The following HDAC9 variants were observed in gnomAD, a reference collection of about 807,000 sequenced individuals.
HDAC9 encodes histone deacetylase 9, also known as MEF-2 interacting transcription repressor (MITR) protein.
A neutral mutation model predicts 139.4 loss-of-function variants in HDAC9; 41 were observed. The observed-to-expected ratio is 0.29, with a 90% CI of 0.23 to 0.38. The LOEUF (loss-of-function observed/expected upper bound fraction) is 0.38, where lower values mean the gene tolerates loss of function less well. Ranked by LOEUF, HDAC9 falls within the 10% of genes least tolerant of loss-of-function variation. The probability of loss-of-function intolerance (pLI) is 1.00; values close to 1 mark genes in which losing one functional copy is unlikely to be tolerated. For missense variants in HDAC9, 1,147 were observed against 1,297.0 expected (o/e 0.88, Z 1.78); for synonymous variants, 517 against 476.2 (o/e 1.09, Z -1.12).
intron 1 of HDAC9, among the ~76,000 whole-genome samples, chr7:18,309,724 T>A (rs1799177049): frequency 6.6e-6 from 1 of 152,166 alleles, no homozygotes; most frequent in Admixed American, 6.5e-5. Flanking sequence ...CAGAGCCTTC[T>A]CATGCCGTGA....
At chr7:18,174,993 G>C (rs566092270) in intron 2 of HDAC9, among the ~76,000 whole-genome samples, 74 of 152,336 alleles carry the variant, frequency 4.9e-4, no homozygotes, top group African/African-American at 1.7e-3. Flanking sequence ...CTTCAGGCCT[G>C]TCAGAAGGGG....
chr7:18,238,293 C>A (rs1237002285), intron 2 of HDAC9, among the ~76,000 whole-genome samples: 1 of 152,176 alleles, frequency 6.6e-6, no homozygotes, highest in Admixed American at 6.5e-5. Flanking sequence ...GGCTTTCTCT[C>A]TAATTTATAG....
chr7:18,383,737 A>T (rs892433625), intron 1 of HDAC9, among the ~76,000 whole-genome samples: 33 of 151,848 alleles, frequency 2.2e-4, no homozygotes, highest in Non-Finnish European at 4.6e-4. Flanking sequence ...AAAAATACAA[A>T]AAATTAGCCG....
intron 2 of HDAC9, among the ~76,000 whole-genome samples, chr7:18,505,292 AT>A (rs937773972): frequency 3.9e-4 from 60 of 152,106 alleles, no homozygotes; most frequent in African/African-American, 1.3e-3. Context: ...GGAGAAAGTA[AT>A]TTTTTTTGAA....
chr7:18,269,766 A>G (rs1377871932), intron 2 of HDAC9, among the ~76,000 whole-genome samples: 1 of 152,106 alleles, frequency 6.6e-6, no homozygotes, highest in Non-Finnish European at 1.5e-5. Flanking sequence ...ACATATATAT[A>G]TATACACACA....
At chr7:18,212,659 A>C (rs144171262) in intron 2 of HDAC9, among the ~76,000 whole-genome samples, 1 of 152,216 alleles carries the variant, frequency 6.6e-6, no homozygotes, top group Admixed American at 6.5e-5. Context: ...TGATTATTTC[A>C]TAAGACAGAG....
At chr7:18,769,736 T>G (rs1790124303) in intron 16 of HDAC9, among the ~76,000 whole-genome samples, 1 of 152,266 alleles carries the variant, frequency 6.6e-6, no homozygotes. Flanking sequence ...GATTTAAGCC[T>G]GTCTAAATTT....
intron 2 of HDAC9, among the ~76,000 whole-genome samples, chr7:18,264,218 A>G (rs1043557313): frequency 1.3e-5 from 2 of 152,236 alleles, no homozygotes; most frequent in Admixed American, 6.5e-5. Context: ...AGTGGAATAC[A>G]TATTCTTCTC....
intron 17 of HDAC9, 67 bp from the exon 18 acceptor site, chr7:18,829,094 T>G (rs930529229): frequency 6.3e-6 from 7 of 1,104,074 alleles, no homozygotes; most frequent in Non-Finnish European, 9.8e-6. Context: ...TGCCTGGAGA[T>G]CCAAGCAATC....
chr7:18,859,847 T>TG (rs1278709992), intron 21 of HDAC9, among the ~76,000 whole-genome samples: 2 of 127,906 alleles, frequency 1.6e-5, no homozygotes, highest in East Asian at 5.4e-4. Context: ...TATATATATA[T>TG]ATATATATAT....
At chr7:18,287,476 A>G (rs1227898341), upstream of HDAC9, among the ~76,000 whole-genome samples, 1 of 152,200 alleles carries the variant, frequency 6.6e-6, no homozygotes, top group Non-Finnish European at 1.5e-5. Flanking sequence ...CTGAAGACAA[A>G]CTTTGCATAG....
chr7:18,198,550 C>T (rs1427396206), intron 2 of HDAC9, among the ~76,000 whole-genome samples: 1 of 152,154 alleles, frequency 6.6e-6, no homozygotes, highest in Non-Finnish European at 1.5e-5. Context: ...ATCATACAAT[C>T]TCACAATATC....
chr7:18,275,233 T>G (rs1796640154), intron 2 of HDAC9, among the ~76,000 whole-genome samples: 1 of 152,232 alleles, frequency 6.6e-6, no homozygotes, highest in African/African-American at 2.4e-5. Flanking sequence ...GAAACTCCTC[T>G]TGTCTGTACC....
Position 18,650,859 on chromosome 7 carries a change from T to G in HDAC9, c.1467+2176T>G, listed in dbSNP as rs1310578378. The stretch of plus-strand genomic sequence containing the variant: ...GTTAACCTCTCTCAGCTTGGGTGTT[T>G]AGATGACTCAAGCAGGTCGCCAGTT... On this transcript the variant is annotated intron_variant, in intron 11 of 25. Coordinates refer to ENST00000686413, the MANE Select transcript of HDAC9 (RefSeq NM_178425.4). Among the ~76,000 whole-genome samples, 9 of 152,150 alleles carry G rather than the reference T, an allele frequency of 5.9e-5. 1 individual carries two copies. Among genetic ancestry groups the G allele is most frequent in the Admixed American group, 5.2e-4 (8 of 15,260 alleles).
intron 1 of HDAC9, among the ~76,000 whole-genome samples, chr7:18,479,706 T>C (rs1795390596): frequency 6.6e-6 from 1 of 152,152 alleles, no homozygotes; most frequent in African/African-American, 2.4e-5. Flanking sequence ...ATGGACAAAA[T>C]GTATCTCCCT....
chr7:18,110,326 G>GTT (rs1191726872), intron 1 of HDAC9, among the ~76,000 whole-genome samples: 5 of 152,198 alleles, frequency 3.3e-5, no homozygotes, highest in African/African-American at 1.2e-4. Context: ...TGTAGAAGAG[G>GTT]ATAGATATAG....
intron 1 of HDAC9, among the ~76,000 whole-genome samples, chr7:18,393,161 A>G (rs1013070423): frequency 2.0e-5 from 3 of 151,968 alleles, no homozygotes; most frequent in South Asian, 4.1e-4. Flanking sequence ...TTGGCTCAAG[A>G]TGAAATAGAA....
At position 18,213,311 on chromosome 7, in the gene HDAC9, A is replaced by G. The variant is rs555205595; in HGVS notation, c.25+50962A>G. Among the ~76,000 whole-genome samples, 42 of 152,136 alleles carry G rather than the reference A, an allele frequency of 2.8e-4. No homozygotes were observed. In the South Asian group the frequency reaches 8.5e-3, roughly 31 times the overall value. The stretch of plus-strand genomic sequence containing the variant: ...CTCCCCCTCCATTTTTCTCCTTACA[A>G]CCTCATGTATATATAAGAGACCAGG... On this transcript the variant is annotated intron_variant, in intron 2 of 12. Coordinates refer to the HDAC9 transcript ENST00000417496.
intron 25 of HDAC9, among the ~76,000 whole-genome samples, chr7:18,988,115 T>C (rs1319120242): frequency 6.6e-6 from 1 of 152,200 alleles, no homozygotes; most frequent in Non-Finnish European, 1.5e-5. Context: ...CTTTTGAATG[T>C]GTTTGCTCTT....
Sources: gnomAD v4.1 joint callset for allele counts (sites outside exome capture counted in the v4.1 genomes callset) on GRCh38, gnomAD v4.1.1 for gene constraint, MANE v1.5 for transcripts, NCBI Gene and HGNC (gene_info 2026-07-23, HGNC 2026-07-21) for gene names.